Variants in NBEA observed in about 807,000 individuals in gnomAD.
NBEA encodes lysosomal-trafficking regulator 2.
In NBEA, 44 loss-of-function variants were observed where a neutral mutation model predicts 343.4. The ratio of observed to expected loss-of-function variants is 0.13; its 90% CI spans 0.10 to 0.16. NBEA has a LOEUF of 0.16. Among genes scored for constraint, NBEA ranks in the 10% least tolerant of loss-of-function variants. The pLI is 1.00. For missense variants in NBEA, 2,555 were observed against 3,631.3 expected (o/e 0.70, Z 7.62); for synonymous variants, 1,175 against 1,238.7 (o/e 0.95, Z 1.08).
At chr13:35,311,841 C>T (rs913063613) in intron 36 of NBEA, among the ~76,000 whole-genome samples, 4 of 151,908 alleles carry the variant, frequency 2.6e-5, no homozygotes, top group African/African-American at 4.8e-5. Context: ...GCGATGAGAG[C>T]GAGACTTCGT....
At chr13:35,309,279 C>A (rs2037199573) in intron 35 of NBEA, among the ~76,000 whole-genome samples, 1 of 152,036 alleles carries the variant, frequency 6.6e-6, no homozygotes, top group Non-Finnish European at 1.5e-5. Context: ...CTTATACCTG[C>A]AGTCTCACTT....
At chr13:34,953,285 T>G (rs748042293) in intron 1 of NBEA, among the ~76,000 whole-genome samples, 2 of 152,212 alleles carry the variant, frequency 1.3e-5, no homozygotes, top group Non-Finnish European at 2.9e-5. Flanking sequence ...TTCACTTAAT[T>G]TATACTAATT....
chr13:35,047,758 A>G lies in NBEA; in HGVS notation c.724-805A>G, dbSNP rs202191005. 9.3e-5 allele frequency among the ~76,000 whole-genome samples: 14 copies of G among 149,968 alleles called. No individual in the cohort carries two copies. In the East Asian group the frequency reaches 2.6e-3, roughly 27 times the overall value. ...TGAATGCAGAAGATTTTTGACATGG[A>G]AGGTCCGTGTTGTATTTGAGAAAGG... On this transcript the variant is annotated intron_variant, in intron 4 of 58. Coordinates refer to ENST00000379939, the MANE Select transcript of NBEA (RefSeq NM_001385012.1).
rs562380360 is a variant in NBEA at position 35,182,946 on chromosome 13, CT to C, written c.4831+424del. Reference sequence around the variant, plus strand: ...CCAAGCTCAAAAGTTGGATTTTTTTCTTTTTTAGCTGTATACAGTTAATTCA... The same window carrying C: ...CCAAGCTCAAAAGTTGGATTTTTTTCTTTTTAGCTGTATACAGTTAATTCA... On this transcript the variant is annotated intron_variant, in intron 29 of 58. Transcript: ENST00000379939. 2.1e-3 allele frequency among the ~76,000 whole-genome samples: 315 copies of C among 151,842 alleles called. 1 individual carries two copies. The highest frequency in any genetic ancestry group is 7.0e-3 in the African/African-American group (290 of 41,474).
chr13:35,333,542 A>G (rs1255049127), intron 36 of NBEA, among the ~76,000 whole-genome samples: 22 of 152,126 alleles, frequency 1.4e-4, no homozygotes, highest in Admixed American at 1.4e-3. Flanking sequence ...TGTTACAAAC[A>G]ATACAATTAT....
chr13:35,378,785 A>G (rs1047539874), intron 38 of NBEA, among the ~76,000 whole-genome samples: 2 of 151,908 alleles, frequency 1.3e-5, no homozygotes, highest in Non-Finnish European at 1.5e-5. Flanking sequence ...CCAACACCCT[A>G]TATGAGCCCT....
At position 35,197,989 on chromosome 13, in the gene NBEA, AAAT is replaced by A. The variant is rs1429511187; in HGVS notation, c.5366+1691_5366+1693del. 3.3e-5 allele frequency among the ~76,000 whole-genome samples: 5 copies of A among 152,312 alleles called. No individual in the cohort carries two copies. In the East Asian group the frequency reaches 7.7e-4, roughly 24 times the overall value. ...TAGAGAGTAGTAAGAAGATGTTTGCAAATAATTGCTATAATAGATAAAATGTGT... is the reference window on the plus strand; with the variant it reads ...TAGAGAGTAGTAAGAAGATGTTTGCAAATTGCTATAATAGATAAAATGTGT... On this transcript the variant is annotated intron_variant, in intron 31 of 58. Transcript: ENST00000379939.
intron 17 of NBEA, among the ~76,000 whole-genome samples, chr13:35,133,274 A>G (rs1451347976): frequency 1.3e-5 from 2 of 152,126 alleles, no homozygotes; most frequent in East Asian, 3.9e-4. Flanking sequence ...CTTCAGTAGT[A>G]ATCAAGAAAA....
chr13:35,367,551 G>A (rs536042297), intron 38 of NBEA, among the ~76,000 whole-genome samples: 1 of 122,450 alleles, frequency 8.2e-6, no homozygotes, highest in Non-Finnish European at 1.6e-5. Flanking sequence ...AGCTGTTGTT[G>A]TTGTTTTTTT....
At chr13:35,644,902 C>G (rs1441795327) in intron 49 of NBEA, among the ~76,000 whole-genome samples, 1 of 152,108 alleles carries the variant, frequency 6.6e-6, no homozygotes, top group Non-Finnish European at 1.5e-5. Context: ...TAAATGTATA[C>G]ATAAAAATTG....
At chr13:35,425,213 T>C (rs1401045011) in intron 38 of NBEA, among the ~76,000 whole-genome samples, 2 of 152,290 alleles carry the variant, frequency 1.3e-5, no homozygotes, top group East Asian at 3.9e-4. Flanking sequence ...TGCTCTTGCT[T>C]CTCTAGTTCT....
At chr13:35,524,937 C>A (rs867082344) in intron 41 of NBEA, among the ~76,000 whole-genome samples, 52 of 152,096 alleles carry the variant, frequency 3.4e-4, no homozygotes, top group African/African-American at 1.2e-3. Flanking sequence ...AAAGATAGGA[C>A]ATAGTGTATT....
At chr13:35,366,946 A>T (rs1286633629) in intron 38 of NBEA, among the ~76,000 whole-genome samples, 5 of 151,394 alleles carry the variant, frequency 3.3e-5, no homozygotes, top group Admixed American at 2.6e-4. Context: ...TTTTAAAGCA[A>T]GTTACATTTG....
Position 35,046,198 on chromosome 13 carries a change from C to A in NBEA, c.723+797C>A, listed in dbSNP as rs2062848684. Among the ~76,000 whole-genome samples the A allele has an allele frequency of 2.0e-5, 3 of 152,088 alleles. No individual in the cohort carries two copies. The South Asian group carries it at 6.2e-4, about 32-fold the overall frequency. On this transcript the variant is annotated intron_variant, in intron 4 of 58. Transcript: ENST00000379939. ...TATCCATTCACTAGTTGATGGACTTCTGGGTTTCTAGTTTTTGGCTGTTAT... is the reference window on the plus strand; with the variant it reads ...TATCCATTCACTAGTTGATGGACTTATGGGTTTCTAGTTTTTGGCTGTTAT...
At chr13:35,212,307 A>T (rs920764435) in intron 33 of NBEA, among the ~76,000 whole-genome samples, 1 of 152,058 alleles carries the variant, frequency 6.6e-6, no homozygotes, top group Admixed American at 6.6e-5. Flanking sequence ...CATTATTTTT[A>T]TGAGATTCAT....
chr13:35,592,768 C>T (rs1214036338), intron 46 of NBEA, among the ~76,000 whole-genome samples: 1 of 151,922 alleles, frequency 6.6e-6, no homozygotes, highest in East Asian at 1.9e-4. Flanking sequence ...CTAATCACTC[C>T]CAAGAGCTAT....
chr13:35,281,299 A>G (rs923528425), intron 34 of NBEA, among the ~76,000 whole-genome samples: 1 of 152,150 alleles, frequency 6.6e-6, no homozygotes, highest in African/African-American at 2.4e-5. Flanking sequence ...TGTACTGATT[A>G]CTCATCTCTA....
At chr13:35,002,405 G>A (rs2061171333) in intron 1 of NBEA, among the ~76,000 whole-genome samples, 2 of 152,186 alleles carry the variant, frequency 1.3e-5, no homozygotes, top group South Asian at 4.1e-4. Context: ...GAATGACCAG[G>A]AAAGATGCAT....
intron 34 of NBEA, among the ~76,000 whole-genome samples, chr13:35,233,924 A>C (rs1251030415): frequency 6.6e-6 from 1 of 152,134 alleles, no homozygotes; most frequent in Admixed American, 6.5e-5. Flanking sequence ...CTCATGGTAA[A>C]AGTTACATTT....
Sources: gnomAD v4.1 joint callset for allele counts (sites outside exome capture counted in the v4.1 genomes callset) on GRCh38, gnomAD v4.1.1 for gene constraint, MANE v1.5 for transcripts, NCBI Gene and HGNC (gene_info 2026-07-23, HGNC 2026-07-21) for gene names.